Variants in ARHGAP42 observed in about 807,000 individuals in gnomAD.
ARHGAP42 encodes Rho GTPase activating protein 42, also known as rho GTPase-activating protein 42.
Under a neutral mutation model 125.0 loss-of-function variants are expected in ARHGAP42, and 63 were observed. The ratio of observed to expected loss-of-function variants is 0.50; its 90% CI spans 0.41 to 0.62. ARHGAP42 has a LOEUF of 0.62. ARHGAP42 is among the 20% of genes least tolerant of loss of function. ARHGAP42 has a pLI of 0.00. For missense variants in ARHGAP42, 766 were observed against 1,024.2 expected (o/e 0.75, Z 3.44); for synonymous variants, 339 against 351.0 (o/e 0.97, Z 0.38).
chr11:100,751,279 GT>G (rs71465331), intron 1 of ARHGAP42, among the ~76,000 whole-genome samples: 12,713 of 93,122 alleles, frequency 0.14, 292 homozygotes, highest in Non-Finnish European at 0.17. Context: ...GTGTGTGTGT[GT>G]TTTTTTTTTT....
chr11:100,729,908 T>G (rs1861927505), intron 1 of ARHGAP42, among the ~76,000 whole-genome samples: 1 of 151,780 alleles, frequency 6.6e-6, no homozygotes, highest in African/African-American at 2.4e-5. Context: ...CCTCCTAAGT[T>G]TAAGCGATTC....
At chr11:100,729,879 C>T (rs1005494169) in intron 1 of ARHGAP42, among the ~76,000 whole-genome samples, 20 of 145,448 alleles carry the variant, frequency 1.4e-4, no homozygotes, top group African/African-American at 3.1e-4. Flanking sequence ...GGTGTGATCT[C>T]GGCTCATTGC....
chr11:100,847,815 T>G (rs1165928107), intron 3 of ARHGAP42, among the ~76,000 whole-genome samples: 2 of 152,080 alleles, frequency 1.3e-5, no homozygotes, highest in East Asian at 3.9e-4. Flanking sequence ...GGTGTGTTTT[T>G]GAGGTGTCCG....
At chr11:100,716,171 A>G (rs1861657443) in intron 1 of ARHGAP42, among the ~76,000 whole-genome samples, 1 of 152,110 alleles carries the variant, frequency 6.6e-6, no homozygotes. Flanking sequence ...CTTCATGGGG[A>G]CTTTTGCCTA....
chr11:100,936,721 G>A (rs1024631459), intron 8 of ARHGAP42, among the ~76,000 whole-genome samples: 2 of 152,132 alleles, frequency 1.3e-5, no homozygotes, highest in African/African-American at 4.8e-5. Flanking sequence ...TTTGTGCCCT[G>A]TCAGTTTTCA....
intron 17 of ARHGAP42, among the ~76,000 whole-genome samples, chr11:100,971,307 A>G (rs1052400798): frequency 6.6e-6 from 1 of 152,112 alleles, no homozygotes; most frequent in Non-Finnish European, 1.5e-5. Context: ...CCATTTCCAT[A>G]AGTAGAACTC....
At chr11:100,689,961 G>A (rs1861159167) in intron 1 of ARHGAP42, among the ~76,000 whole-genome samples, 1 of 152,096 alleles carries the variant, frequency 6.6e-6, no homozygotes, top group Non-Finnish European at 1.5e-5. Flanking sequence ...GATAGGAGGA[G>A]TGTGTCAGAA....
At chr11:100,688,356 G>A (rs1861126310) in intron 1 of ARHGAP42, among the ~76,000 whole-genome samples, 1 of 152,174 alleles carries the variant, frequency 6.6e-6, no homozygotes, top group Admixed American at 6.5e-5. Context: ...GATAATGGAA[G>A]ACAGCAAGGC....
chr11:100,987,548 A>G lies in ARHGAP42; in HGVS notation c.2492A>G (p.His831Arg). 1.3e-6 allele frequency: 2 copies of G among 1,551,922 alleles called. No homozygotes were observed. The highest frequency in any genetic ancestry group is 1.7e-6 in the Non-Finnish European group (2 of 1,146,984). The change falls in exon 23 of 24, where the codon CAC (histidine) becomes CGC (arginine). Residue 831 changes from histidine to arginine, a missense_variant. This residue lies in a region of ARHGAP42 where 308 missense variants were observed against 369.7 expected (regional missense o/e 0.83). Coordinates refer to ENST00000298815, the MANE Select transcript of ARHGAP42 (RefSeq NM_152432.4). Reference protein sequence around the residue: ...AKAMYSCKAEHSHELSFPQGA... With the variant: ...AKAMYSCKAERSHELSFPQGA... ...GCCATGTACTCCTGTAAAGCAGAGC[A>G]CAGTCATGAGCTTTCCTTCCCACAA... is the stretch of plus-strand genomic sequence containing the variant.
At chr11:100,690,454 C>G (rs1861167516) in intron 1 of ARHGAP42, among the ~76,000 whole-genome samples, 1 of 152,058 alleles carries the variant, frequency 6.6e-6, no homozygotes, top group Non-Finnish European at 1.5e-5. Flanking sequence ...CTCTGTGGTT[C>G]AAGTTGTAAT....
At chr11:100,982,045 T>C (rs1485892068) in intron 22 of ARHGAP42, among the ~76,000 whole-genome samples, 1 of 152,178 alleles carries the variant, frequency 6.6e-6, no homozygotes, top group African/African-American at 2.4e-5. Flanking sequence ...ACATAGCAAT[T>C]ACTCTGTATA....
At chr11:100,796,537 C>T (rs1863720270) in intron 3 of ARHGAP42, among the ~76,000 whole-genome samples, 1 of 152,190 alleles carries the variant, frequency 6.6e-6, no homozygotes, top group Non-Finnish European at 1.5e-5. Context: ...AAACCTGATG[C>T]AGGCTTAAAG....
chr11:100,717,365 C>T (rs1194325487), intron 1 of ARHGAP42, among the ~76,000 whole-genome samples: 3 of 152,112 alleles, frequency 2.0e-5, no homozygotes, highest in Non-Finnish European at 2.9e-5. Context: ...AGGCCGGGCG[C>T]GGTGGCTCAT....
At chr11:100,716,056 A>G (rs1382896760) in intron 1 of ARHGAP42, among the ~76,000 whole-genome samples, 7 of 152,188 alleles carry the variant, frequency 4.6e-5, no homozygotes, top group Admixed American at 4.6e-4. Context: ...GGGCTGACAA[A>G]TTGGTATATT....
intron 3 of ARHGAP42, among the ~76,000 whole-genome samples, chr11:100,834,701 G>A (rs930188021): frequency 1.2e-4 from 18 of 152,044 alleles, no homozygotes; most frequent in African/African-American, 4.1e-4. Flanking sequence ...GAATCCAGAC[G>A]AACTGTAGCC....
rs191436336 is a variant in ARHGAP42 at position 100,749,567 on chromosome 11, C to T, written c.155-20776C>T. 2.6e-5 allele frequency among the ~76,000 whole-genome samples: 4 copies of T among 152,304 alleles called. No individual in the cohort carries two copies. In the East Asian group the frequency reaches 5.8e-4, roughly 22 times the overall value. On this transcript the variant is annotated intron_variant, in intron 1 of 23. Coordinates refer to ENST00000298815, the MANE Select transcript of ARHGAP42 (RefSeq NM_152432.4). ...GAAGGTTGACCTGTTTCCTCCCTTT[C>T]CCCCTCTGAAGGTCCCTTGCACACT...
chr11:100,935,086 G>C (rs1051103231), intron 7 of ARHGAP42, among the ~76,000 whole-genome samples: 1 of 151,090 alleles, frequency 6.6e-6, no homozygotes, highest in Non-Finnish European at 1.5e-5. Flanking sequence ...CCTTATGTTT[G>C]AAAGACAAAA....
chr11:100,795,256 C>G (rs1863682079), intron 3 of ARHGAP42, 90 bp downstream of exon 3: 1 of 921,166 alleles, frequency 1.1e-6, no homozygotes, highest in Non-Finnish European at 1.6e-6. Context: ...GAACTTTATA[C>G]AAGGCCTTAT....
At chr11:100,747,570 C>A (rs188412911) in intron 1 of ARHGAP42, among the ~76,000 whole-genome samples, 17 of 152,264 alleles carry the variant, frequency 1.1e-4, no homozygotes, top group Non-Finnish European at 2.1e-4. Context: ...TTTAACTTTA[C>A]CCAATGTGTT....
Sources: allele counts gnomAD v4.1 joint callset (sites outside exome capture counted in the v4.1 genomes callset), GRCh38; gene constraint gnomAD v4.1.1; regional missense constraint gnomAD v4.1.1; transcripts MANE v1.5; gene names NCBI Gene and HGNC (gene_info 2026-07-23, HGNC 2026-07-21).